The following ZC3H3 variants were observed in gnomAD, a reference collection of about 807,000 sequenced individuals.
The protein encoded by ZC3H3 is zinc finger CCCH domain-containing protein 3.
ZC3H3 carries 36 observed loss-of-function variants against 77.3 expected under a neutral mutation model. The ratio of observed to expected loss-of-function variants is 0.47; its 90% CI spans 0.36 to 0.61. The LOEUF is 0.61. Ranked by LOEUF, ZC3H3 falls within the 20% of genes least tolerant of loss-of-function variation. The pLI, the probability that ZC3H3 is intolerant of heterozygous loss-of-function variation, is 0.00. For synonymous variants in ZC3H3, 626 were observed against 555.2 expected (o/e 1.13, Z -1.79); for missense variants, 1,331 against 1,312.2 (o/e 1.01, Z -0.22).
intron 3 of ZC3H3, among the ~76,000 whole-genome samples, chr8:143,510,729 C>T (rs1355297279): frequency 6.6e-6 from 1 of 152,212 alleles, no homozygotes. Flanking sequence ...CAGGCCCAGG[C>T]GCCCATCCCT....
chr8:143,535,298 C>A (rs1822758330), intron 3 of ZC3H3, among the ~76,000 whole-genome samples: 1 of 152,196 alleles, frequency 6.6e-6, no homozygotes, highest in Non-Finnish European at 1.5e-5. Flanking sequence ...CTTGGCCTCC[C>A]AAAGAGCTGG....
At chr8:143,505,440 G>T (rs1194141116) in intron 4 of ZC3H3, among the ~76,000 whole-genome samples, 1 of 152,214 alleles carries the variant, frequency 6.6e-6, no homozygotes. Flanking sequence ...GGCAACAGCA[G>T]GCCAGGCAGC....
intron 4 of ZC3H3, among the ~76,000 whole-genome samples, chr8:143,507,070 G>A (rs1488485548): frequency 6.6e-6 from 1 of 152,242 alleles, no homozygotes; most frequent in African/African-American, 2.4e-5. Context: ...ACCTGGAGAT[G>A]GGGCACCACC....
Position 143,514,122 on chromosome 8 carries a change from T to C in ZC3H3, c.1562-6223A>G, listed in dbSNP as rs1821957441. Among the ~76,000 whole-genome samples, 4 of 152,230 alleles carry C rather than the reference T, an allele frequency of 2.6e-5. 1 individual carries two copies. In the South Asian group the frequency reaches 8.3e-4, roughly 32 times the overall value. ...GGCCAAGGCTACACTGGGGGTGACA[T>C]GGGCTCTGGCCTCCAAGAAGGGGTA... On this transcript the variant is annotated intron_variant, in intron 3 of 11. Transcript: ENST00000262577.
rs1334516617 is a variant in ZC3H3, at chr8:143,468,452, A to T, written c.2035T>A (p.Phe679Ile). Residue 679 changes from phenylalanine to isoleucine, a missense_variant, in exon 7 of 12, where the codon TTC becomes ATC. This residue lies in a region of ZC3H3 where 104 missense variants were observed against 159.7 expected (regional missense o/e 0.65). Transcript: ENST00000262577. ...RKEYCMYYNR[F>I]GRCNRGERCP... is the part of the protein sequence containing the mutation. ...CGCTCGCCACGGTTGCACCTGCCGA[A>T]GCGGTTGTAGTACATGCAGTACTCC... 1 of 1,610,452 alleles carries T rather than the reference A, an allele frequency of 6.2e-7. No individual in the cohort carries two copies. The highest frequency in any genetic ancestry group is 1.3e-5 in the African/African-American group (1 of 74,992).
At position 143,530,033 on chromosome 8, in the gene ZC3H3, C is replaced by T. The variant is rs1316398472; in HGVS notation, c.1561+6224G>A. The stretch of plus-strand genomic sequence containing the variant: ...ACAGCAGTTCCTCCACACCCAGGGG[C>T]GGGCACGGCAGACTGAGGGACGGGT... On this transcript the variant is annotated intron_variant, in intron 3 of 11. Coordinates refer to ENST00000262577, the MANE Select transcript of ZC3H3 (RefSeq NM_015117.3). This position sits in a 1 kb window ranked among gnomAD's most constrained non-coding sequence, Gnocchi z 4.3. Among the ~76,000 whole-genome samples the T allele has an allele frequency of 2.0e-5, 3 of 152,188 alleles. No individual in the cohort carries two copies. The highest frequency in any genetic ancestry group is 6.5e-5 in the Admixed American group (1 of 15,276).
At position 143,538,075 on chromosome 8, in the gene ZC3H3, G is replaced by A; in HGVS notation, c.1292C>T (p.Ser431Phe). 6.2e-7 allele frequency: 1 copy of A among 1,613,030 alleles called. No homozygotes were observed. The change falls in exon 2 of 12, where the codon TCT becomes TTT. Residue 431 changes from serine to phenylalanine, a missense_variant. Physicochemically the swap from Ser to Phe is radical, Grantham distance 155. Transcript: ENST00000262577. ...GTAAGCCGAGAGCGGGGTCTCCCCA[G>A]AGAGGGGCTTCAAGCCACTGTGTCC... ...AVGHSGLKPL[S>F]GETPLSAYKV...
chr8:143,464,421 GC>G (rs1442873146), intron 9 of ZC3H3, among the ~76,000 whole-genome samples: 1 of 152,216 alleles, frequency 6.6e-6, no homozygotes, highest in Non-Finnish European at 1.5e-5. Context: ...GCCCGGCCTG[GC>G]CAACCCTTGG....
intron 4 of ZC3H3, among the ~76,000 whole-genome samples, chr8:143,499,895 G>T (rs1563862723): frequency 6.6e-6 from 1 of 152,334 alleles, no homozygotes; most frequent in East Asian, 1.9e-4. Context: ...GGCCCTCACA[G>T]CCCAGGAGGC....
intron 9 of ZC3H3, among the ~76,000 whole-genome samples, chr8:143,454,817 T>C (rs1245546281): frequency 6.6e-6 from 1 of 152,178 alleles, no homozygotes; most frequent in East Asian, 1.9e-4. Context: ...TTTTCCACAC[T>C]GTATACACGA....
At chr8:143,532,902 C>T (rs1563885177) in intron 3 of ZC3H3, among the ~76,000 whole-genome samples, 1 of 152,210 alleles carries the variant, frequency 6.6e-6, no homozygotes. Flanking sequence ...TGGGGTCAGC[C>T]GCCTGAGTGA....
At chr8:143,475,018 C>T (rs974964482) in intron 5 of ZC3H3, among the ~76,000 whole-genome samples, 2 of 152,246 alleles carry the variant, frequency 1.3e-5, no homozygotes, top group African/African-American at 4.8e-5. Flanking sequence ...CTCCCCCACC[C>T]CACAGAAAAT....
intron 2 of ZC3H3, 90 bp from the exon 3 acceptor site, chr8:143,536,543 C>T: frequency 7.5e-7 from 1 of 1,333,514 alleles, no homozygotes; most frequent in Non-Finnish European, 9.9e-7. Context: ...AGCGTGGGAG[C>T]AGCTCCTGAA....
In ZC3H3 at chr8:143,494,856, A is replaced by G. The variant is rs1821303384; in HGVS notation, c.1715+12890T>C. On this transcript the variant is annotated intron_variant, in intron 4 of 11. Transcript: ENST00000262577. The surrounding 1 kb of genome is among the most constrained non-coding windows in gnomAD (Gnocchi z 5.3). The stretch of plus-strand genomic sequence containing the variant: ...CAAACGGCCTGAGCAGACCTTTCAC[A>G]CGGGAAGACCACCAGTGGCCTTACG... Among the ~76,000 whole-genome samples the G allele has an allele frequency of 6.6e-6, 1 of 152,220 alleles. No homozygotes were observed. Among genetic ancestry groups the G allele is most frequent in the South Asian group, 2.1e-4 (1 of 4,836 alleles).
At chr8:143,498,066 T>C (rs1821403510) in intron 4 of ZC3H3, among the ~76,000 whole-genome samples, 2 of 152,058 alleles carry the variant, frequency 1.3e-5, no homozygotes, top group South Asian at 2.1e-4. Context: ...CGAATGCAAG[T>C]GAAGGAGCCA....
intron 3 of ZC3H3, among the ~76,000 whole-genome samples, chr8:143,508,951 C>T (rs562203327): frequency 3.3e-4 from 51 of 152,286 alleles, no homozygotes; most frequent in African/African-American, 1.2e-3. Flanking sequence ...GAGCCCTAAA[C>T]GCAACGGACC....
At chr8:143,497,146 A>G (rs1272696366) in intron 4 of ZC3H3, among the ~76,000 whole-genome samples, 3 of 152,384 alleles carry the variant, frequency 2.0e-5, no homozygotes, top group African/African-American at 2.4e-5. Context: ...CTGTAAAAGT[A>G]TATCAAAACA....
intron 3 of ZC3H3, among the ~76,000 whole-genome samples, chr8:143,534,295 AACG>A (rs1331929674): frequency 1.6e-4 from 23 of 143,674 alleles, no homozygotes; most frequent in African/African-American, 5.3e-4. Context: ...AAAAAAAAAA[AACG>A]ACGAGATCAA....
rs138173513 is a variant in ZC3H3, at chr8:143,526,708, T to G, written c.1561+9549A>C. On this transcript the variant is annotated intron_variant, in intron 3 of 11. Coordinates refer to ENST00000262577, the MANE Select transcript of ZC3H3 (RefSeq NM_015117.3). Reference sequence around the variant, plus strand: ...GAAGGCTACAGCCCCAGCAGGGGACTAAACAGGGGCCCAGCAACATCCTGA... The same window carrying G: ...GAAGGCTACAGCCCCAGCAGGGGACGAAACAGGGGCCCAGCAACATCCTGA... 7.1e-3 allele frequency among the ~76,000 whole-genome samples: 1,073 copies of G among 151,992 alleles called. 11 individuals carry two copies. The highest frequency in any genetic ancestry group is 0.025 in the African/African-American group (1,039 of 41,450).
Sources: gnomAD v4.1 joint callset for allele counts (sites outside exome capture counted in the v4.1 genomes callset) on GRCh38, gnomAD v4.1.1 for gene constraint, gnomAD v4.1.1 regional missense constraint, Gnocchi (gnomAD v3.1) non-coding constraint, MANE v1.5 for transcripts, NCBI Gene and HGNC (gene_info 2026-07-23, HGNC 2026-07-21) for gene names.